Variants in VAV3 observed in about 807,000 individuals in gnomAD.
VAV3 encodes the protein vav guanine nucleotide exchange factor 3, also known as guanine nucleotide exchange factor VAV3.
In VAV3, 94 loss-of-function variants were observed where a neutral mutation model predicts 131.2. That is an observed-to-expected ratio of 0.72 (90% CI 0.61 to 0.85). VAV3 has a LOEUF of 0.85. Among genes scored for constraint, VAV3 ranks in the 40% least tolerant of loss-of-function variants. The probability of loss-of-function intolerance (pLI) is 0.00; values close to 1 mark genes in which losing one functional copy is unlikely to be tolerated. For synonymous variants in VAV3, 349 were observed against 342.0 expected (o/e 1.02, Z -0.22); for missense variants, 939 against 1,002.7 (o/e 0.94, Z 0.86).
chr1:107,711,629 A>G (rs540741782), intron 15 of VAV3, among the ~76,000 whole-genome samples: 21 of 152,350 alleles, frequency 1.4e-4, no homozygotes, highest in Admixed American at 3.3e-4. Context: ...GAAAAATCCT[A>G]ACATGAAAAG....
chr1:107,587,548 G>T (rs894278620), intron 25 of VAV3, among the ~76,000 whole-genome samples: 2 of 152,148 alleles, frequency 1.3e-5, no homozygotes, highest in Admixed American at 1.3e-4. Flanking sequence ...ATTGAGACCA[G>T]TTATGTATGT....
chr1:107,930,004 G>A (rs1021177768), intron 1 of VAV3, among the ~76,000 whole-genome samples: 3 of 152,140 alleles, frequency 2.0e-5, no homozygotes, highest in African/African-American at 7.2e-5. Flanking sequence ...TTGAACTCAT[G>A]GAGATAGAGA....
At chr1:107,909,800 TATC>T (rs1302488160) in intron 1 of VAV3, among the ~76,000 whole-genome samples, 2 of 152,204 alleles carry the variant, frequency 1.3e-5, no homozygotes, top group Non-Finnish European at 2.9e-5. Context: ...TTAATTGTGT[TATC>T]TTCTTTATGG....
chr1:107,940,565 C>T (rs1673936486), intron 1 of VAV3, among the ~76,000 whole-genome samples: 1 of 152,170 alleles, frequency 6.6e-6, no homozygotes, highest in African/African-American at 2.4e-5. Context: ...AAGCTTAAAA[C>T]TCGATTGGGA....
intron 1 of VAV3, among the ~76,000 whole-genome samples, chr1:107,953,660 T>G (rs72985449): frequency 0.12 from 17,873 of 152,224 alleles, 2,031 homozygotes; most frequent in African/African-American, 0.3. Flanking sequence ...CAGAGACAGA[T>G]CTGGGACTAG....
intron 20 of VAV3, 133 bp downstream of exon 20, chr1:107,642,486 T>G: frequency 2.8e-6 from 3 of 1,063,028 alleles, no homozygotes; most frequent in Non-Finnish European, 4.0e-6. Context: ...TAGCCATTCT[T>G]TTATTCCTTT....
At chr1:107,756,960 A>G (rs1039384130) in intron 11 of VAV3, among the ~76,000 whole-genome samples, 1 of 152,052 alleles carries the variant, frequency 6.6e-6, no homozygotes, top group East Asian at 1.9e-4. Flanking sequence ...TTATACTTGT[A>G]TCTAAGTGAT....
intron 2 of VAV3, among the ~76,000 whole-genome samples, chr1:107,866,115 G>A (rs1240617363): frequency 6.6e-6 from 1 of 152,106 alleles, no homozygotes; most frequent in Non-Finnish European, 1.5e-5. Flanking sequence ...TAAAGTCCTA[G>A]GATCAAGGTT....
At chr1:107,743,494 T>C (rs1663145322) in intron 15 of VAV3, among the ~76,000 whole-genome samples, 1 of 152,218 alleles carries the variant, frequency 6.6e-6, no homozygotes, top group African/African-American at 2.4e-5. Flanking sequence ...AGTTCAGTCC[T>C]GAAACTTAAT....
intron 15 of VAV3, among the ~76,000 whole-genome samples, chr1:107,731,315 G>A (rs963878698): frequency 2.0e-5 from 3 of 152,142 alleles, no homozygotes; most frequent in African/African-American, 7.2e-5. Flanking sequence ...TAATTCTGAG[G>A]TGAAATGAAA....
intron 1 of VAV3, among the ~76,000 whole-genome samples, chr1:107,935,459 C>T (rs72985406): frequency 0.03 from 4,607 of 152,178 alleles, 165 homozygotes; most frequent in African/African-American, 0.085. Context: ...TACAGTGTTA[C>T]GAGCACTGAA....
At chr1:107,706,164 C>T (rs1019898572) in intron 15 of VAV3, among the ~76,000 whole-genome samples, 11 of 151,990 alleles carry the variant, frequency 7.2e-5, no homozygotes, top group Admixed American at 3.9e-4. Context: ...AGACGTTACA[C>T]GCAATTTGAG....
Position 107,905,533 on chromosome 1 carries a change from T to TA in VAV3, c.205-30517dup, listed in dbSNP as rs563023428. Among the ~76,000 whole-genome samples, 113 of 150,668 alleles carry TA rather than the reference T, an allele frequency of 7.5e-4. No homozygotes were observed. The Middle Eastern group carries it at 0.014, about 18-fold the overall frequency. On this transcript the variant is annotated intron_variant, in intron 1 of 26. Coordinates refer to ENST00000370056, the MANE Select transcript of VAV3 (RefSeq NM_006113.5). ...CCAATGCTAAAGACCTCTGACATCT[T>TA]AAAAAAAAAATCTAGAATACTTTTT...
At chr1:107,922,192 C>A (rs985212269) in intron 1 of VAV3, among the ~76,000 whole-genome samples, 6 of 152,108 alleles carry the variant, frequency 3.9e-5, no homozygotes, top group African/African-American at 1.2e-4. Flanking sequence ...CTACCTTGCA[C>A]ACACCTCAAG....
At chr1:107,610,071 G>T in intron 21 of VAV3, 106 bp from the exon 22 acceptor site, 1 of 979,688 alleles carries the variant, frequency 1.0e-6, no homozygotes, top group Non-Finnish European at 1.6e-6. Flanking sequence ...ACCCTAAGTG[G>T]CACAGTCCTG....
At chr1:107,891,503 CTG>C (rs60814232) in intron 1 of VAV3, among the ~76,000 whole-genome samples, 5,422 of 152,104 alleles carry the variant, frequency 0.036, 122 homozygotes, top group Middle Eastern at 0.11. Flanking sequence ...CCATCAAGAA[CTG>C]TGTGACTAGA....
chr1:107,880,613 T>C (rs538577641), intron 1 of VAV3, among the ~76,000 whole-genome samples: 1 of 152,176 alleles, frequency 6.6e-6, no homozygotes, highest in East Asian at 1.9e-4. Flanking sequence ...CTGGCCAACA[T>C]GGCAAAACCT....
intron 1 of VAV3, among the ~76,000 whole-genome samples, chr1:107,937,355 G>C (rs1300657739): frequency 6.6e-6 from 1 of 152,190 alleles, no homozygotes; most frequent in African/African-American, 2.4e-5. Context: ...GCTAGTGACT[G>C]CAGCAGCTGT....
At chr1:107,933,299 G>T in intron 1 of VAV3, among the ~76,000 whole-genome samples, 1 of 150,392 alleles carries the variant, frequency 6.6e-6, no homozygotes. Context: ...TTTTTTTCCA[G>T]TACAAAAGAT....
Sources: allele counts gnomAD v4.1 joint callset (sites outside exome capture counted in the v4.1 genomes callset), GRCh38; gene constraint gnomAD v4.1.1; transcripts MANE v1.5; gene names NCBI Gene and HGNC (gene_info 2026-07-23, HGNC 2026-07-21).